KALRN: variants seen among roughly 807,000 people sequenced by gnomAD.
KALRN encodes the protein kalirin.
Under a neutral mutation model 353.7 loss-of-function variants are expected in KALRN, and 70 were observed. The ratio of observed to expected loss-of-function variants is 0.20; its 90% CI spans 0.16 to 0.24. KALRN has a LOEUF of 0.24. KALRN is among the 10% of genes least tolerant of loss of function. KALRN has a pLI of 1.00. For missense variants in KALRN, 2,791 were observed against 3,756.7 expected, an observed-to-expected ratio of 0.74 and a Z score of 6.72; for synonymous variants, 1,391 against 1,434.8, an observed-to-expected ratio of 0.97 and a Z score of 0.69.
intron 51 of KALRN, among the ~76,000 whole-genome samples, chr3:124,680,296 A>G (rs1400292924): frequency 6.6e-6 from 1 of 152,192 alleles, no homozygotes; most frequent in African/African-American, 2.4e-5. Flanking sequence ...CAACAAGAAC[A>G]TCCATTCCAC....
intron 33 of KALRN, among the ~76,000 whole-genome samples, chr3:124,549,461 G>A (rs2070192399): frequency 6.6e-6 from 1 of 151,788 alleles, no homozygotes; most frequent in African/African-American, 2.4e-5. Flanking sequence ...AGAGCTCTGG[G>A]ATGCCTTATT....
At chr3:124,294,988 T>G (rs2076737399) in intron 5 of KALRN, among the ~76,000 whole-genome samples, 1 of 152,214 alleles carries the variant, frequency 6.6e-6, no homozygotes, top group South Asian at 2.1e-4. Context: ...CTGGAACCAG[T>G]GTAGTCTTCA....
intron 33 of KALRN, among the ~76,000 whole-genome samples, chr3:124,522,275 C>G (rs12152265): frequency 0.1 from 15,531 of 151,690 alleles, 969 homozygotes; most frequent in Non-Finnish European, 0.14. Context: ...ACTGAGTCAT[C>G]ATTATATATA....
chr3:124,664,357 G>GTA (rs1260409761), intron 45 of KALRN, among the ~76,000 whole-genome samples: 14 of 122,874 alleles, frequency 1.1e-4, no homozygotes, highest in Non-Finnish European at 2.3e-4. Context: ...GTGTGTGTGT[G>GTA]TGTGTGTGTG....
chr3:124,464,418 A>C (rs774183955), intron 25 of KALRN, among the ~76,000 whole-genome samples: 6 of 152,158 alleles, frequency 3.9e-5, no homozygotes, highest in Non-Finnish European at 8.8e-5. Flanking sequence ...TCACTGGTAA[A>C]CCATGGTAAA....
rs115988478 is a variant in KALRN at position 124,677,003 on chromosome 3, C to T, written c.7194-1187C>T. On this transcript the variant is annotated intron_variant, in intron 49 of 59. Coordinates refer to ENST00000682506, the MANE Select transcript of KALRN (RefSeq NM_001388419.1). ...TCAGAAGGTTGAACCTGTGTGTTAG[C>T]GGATAAATATTTTTGGAACACCTTC... Among the ~76,000 whole-genome samples the T allele has an allele frequency of 3.8e-3, 573 of 152,228 alleles. 3 individuals carry two copies. The highest frequency in any genetic ancestry group is 0.014 in the Middle Eastern group (4 of 294).
intron 1 of KALRN, among the ~76,000 whole-genome samples, chr3:124,138,201 G>A (rs1023047704): frequency 2.0e-4 from 31 of 152,182 alleles, no homozygotes; most frequent in African/African-American, 7.2e-4. Flanking sequence ...CTCAGTGGGA[G>A]TTGAGCAGCT....
intron 34 of KALRN, among the ~76,000 whole-genome samples, chr3:124,572,777 T>G (rs556206410): frequency 2.6e-5 from 4 of 152,182 alleles, no homozygotes; most frequent in African/African-American, 7.2e-5. Flanking sequence ...ACATGGTCTG[T>G]CTGTAATCCC....
chr3:124,207,998 CA>C (rs2076560872), intron 1 of KALRN, among the ~76,000 whole-genome samples: 1 of 152,172 alleles, frequency 6.6e-6, no homozygotes, highest in South Asian at 2.1e-4. Flanking sequence ...CTGGGCTTTC[CA>C]CAGACATTGT....
intron 1 of KALRN, among the ~76,000 whole-genome samples, chr3:124,166,922 G>C (rs1391245436): frequency 6.6e-6 from 1 of 152,042 alleles, no homozygotes; most frequent in East Asian, 1.9e-4. Context: ...GTATGTGCCT[G>C]TAATCCCAGC....
chr3:124,456,518 CT>C lies in KALRN; in HGVS notation c.3736-85del, dbSNP rs1406992670. ...ATGTTTTTATCCTTCTCCATTATAT[CT>C]TTTTTTCCCCCTTTTACCACCTCCC... On this transcript the variant is annotated intron_variant, in intron 22 of 59. Coordinates refer to ENST00000682506, the MANE Select transcript of KALRN (RefSeq NM_001388419.1). The C allele has an allele frequency of 1.2e-4, 97 of 787,940 alleles. 2 individuals are homozygous for C. Among genetic ancestry groups the C allele is most frequent in the Middle Eastern group, 9.6e-4 (4 of 4,162 alleles). The allele number at this position is 787,940 out of a possible 1,614,324, so 48.8% of individuals were successfully genotyped here.
intron 32 of KALRN, among the ~76,000 whole-genome samples, 187 bp from the exon 33 acceptor site, chr3:124,496,124 A>T (rs748242880): frequency 2.3e-4 from 34 of 150,310 alleles, no homozygotes; most frequent in Admixed American, 6.6e-4. Context: ...GTGTTTACTA[A>T]GTGCAAGAAG....
In KALRN at chr3:124,702,037, G is replaced by A. The variant is rs2062366607; in HGVS notation, c.7997-1G>A. The A allele has an allele frequency of 6.2e-7, 1 of 1,612,326 alleles. No homozygotes were observed. The highest frequency in any genetic ancestry group is 1.3e-5 in the African/African-American group (1 of 74,882). On this transcript the variant is annotated splice_acceptor_variant, in intron 56 of 59. Transcript: ENST00000682506. LOFTEE classifies it high-confidence loss of function. ...GTAAATGGATTCTCTTTCTTCCGAAGATGCTGCTGCTGATGGTGCCACCAT... is the reference window on the plus strand; with the variant it reads ...GTAAATGGATTCTCTTTCTTCCGAAAATGCTGCTGCTGATGGTGCCACCAT...
intron 13 of KALRN, among the ~76,000 whole-genome samples, chr3:124,402,632 G>A (rs574912887): frequency 6.6e-6 from 1 of 152,070 alleles, no homozygotes; most frequent in East Asian, 1.9e-4. Flanking sequence ...AAACATTTTT[G>A]ATTGTGTGCC....
chr3:124,278,756 T>C (rs1192803770), intron 5 of KALRN, among the ~76,000 whole-genome samples: 2 of 152,172 alleles, frequency 1.3e-5, no homozygotes, highest in African/African-American at 2.4e-5. Context: ...TGTCCTCTCC[T>C]TCCAAGGTAT....
In KALRN at chr3:124,398,791, A is replaced by G; in HGVS notation, c.2266A>G (p.Met756Val). 1.2e-6 allele frequency: 2 copies of G among 1,614,148 alleles called. No homozygotes were observed. The highest frequency in any genetic ancestry group is 1.7e-6 in the Non-Finnish European group (2 of 1,180,032). The stretch of plus-strand genomic sequence containing the variant: ...GCAGCTTGATGATGCCCAGGTGCAG[A>G]TGGAGGAGCTGTTCCACGAGCGGAA... ...LQQLDDAQVQ[M>V]EELFHERKIK... is the part of the protein sequence containing the mutation. The change falls in exon 13 of 60, where the codon ATG becomes GTG. Residue 756 changes from methionine to valine, a missense_variant. Met to Val is a conservative substitution (Grantham distance 21, BLOSUM62 1). Coordinates refer to ENST00000682506, the MANE Select transcript of KALRN (RefSeq NM_001388419.1).
intron 45 of KALRN, among the ~76,000 whole-genome samples, chr3:124,662,199 T>C (rs11926091): frequency 0.013 from 1,009 of 77,094 alleles, 7 homozygotes; most frequent in Middle Eastern, 0.023. Flanking sequence ...AATTCTTTTT[T>C]TTTTTTTTTT....
At chr3:124,152,568 TTTTCTTTTC>T (rs200042007) in intron 1 of KALRN, 56 of 625,420 alleles carry the variant, frequency 9.0e-5, no homozygotes, top group Admixed American at 1.8e-4. Flanking sequence ...TTTTCTTTTC[TTTTCTTTTC>T]TTTCTTTCTT....
At chr3:124,556,508 A>G (rs1340859935) in intron 33 of KALRN, among the ~76,000 whole-genome samples, 1 of 152,204 alleles carries the variant, frequency 6.6e-6, no homozygotes, top group Admixed American at 6.5e-5. Flanking sequence ...GGGCGAGGAC[A>G]GAAGTTTAGT....
Sources: gnomAD v4.1 joint callset for allele counts (sites outside exome capture counted in the v4.1 genomes callset) on GRCh38, gnomAD v4.1.1 for gene constraint, MANE v1.5 for transcripts, NCBI Gene and HGNC (gene_info 2026-07-23, HGNC 2026-07-21) for gene names.